The following RAD51B variants were observed in gnomAD, a reference collection of about 807,000 sequenced individuals.
RAD51B encodes RAD51 paralog B.
A neutral mutation model predicts 42.2 loss-of-function variants in RAD51B; 38 were observed. The observed-to-expected ratio is 0.90, with a 90% CI of 0.70 to 1.18. The LOEUF (loss-of-function observed/expected upper bound fraction) is 1.18, where lower values mean the gene tolerates loss of function less well. RAD51B is among the 50% of genes most tolerant of loss of function. The probability of loss-of-function intolerance (pLI) is 0.00; values close to 1 mark genes in which losing one functional copy is unlikely to be tolerated. For synonymous variants in RAD51B, 154 were observed against 145.2 expected, an observed-to-expected ratio of 1.06 and a Z score of -0.43; for missense variants, 373 against 400.7, an observed-to-expected ratio of 0.93 and a Z score of 0.59.
At chr14:67,914,880 T>C (rs572502372) in intron 7 of RAD51B, among the ~76,000 whole-genome samples, 1 of 152,232 alleles carries the variant, frequency 6.6e-6, no homozygotes, top group Non-Finnish European at 1.5e-5. Context: ...TTGTTTCAGC[T>C]GTCATATTGT....
At chr14:67,877,764 GGGATCCCCTT>G (rs2042773564) in intron 5 of RAD51B, among the ~76,000 whole-genome samples, 1 of 152,140 alleles carries the variant, frequency 6.6e-6, no homozygotes, top group African/African-American at 2.4e-5. Context: ...CTGGGTACAA[GGGATCCCCTT>G]GCTTTAGCCT....
At chr14:68,613,662 G>A (rs893308333), downstream of RAD51B, among the ~76,000 whole-genome samples, 7 of 151,890 alleles carry the variant, frequency 4.6e-5, no homozygotes, top group Non-Finnish European at 1.0e-4. Context: ...CACCGTGTTA[G>A]CCAGGATGGT....
At chr14:68,608,164 C>T (rs1338733859) in intron 10 of RAD51B, among the ~76,000 whole-genome samples, 2 of 152,220 alleles carry the variant, frequency 1.3e-5, no homozygotes, top group Non-Finnish European at 2.9e-5. Context: ...AGCTTCCCTG[C>T]CCTTCTCTTA....
At chr14:68,087,499 T>G (rs1405555936) in intron 7 of RAD51B, among the ~76,000 whole-genome samples, 3 of 152,126 alleles carry the variant, frequency 2.0e-5, no homozygotes, top group Non-Finnish European at 4.4e-5. Flanking sequence ...TATAGTATTA[T>G]GCTTAGAAAA....
chr14:68,087,351 C>T (rs34030120), intron 7 of RAD51B, among the ~76,000 whole-genome samples: 2,429 of 152,170 alleles, frequency 0.016, 57 homozygotes, highest in African/African-American at 0.054. Flanking sequence ...TGTTCTGAGA[C>T]CCTCTGGAGA....
chr14:68,504,346 T>C (rs1359713742), intron 10 of RAD51B, among the ~76,000 whole-genome samples: 1 of 152,232 alleles, frequency 6.6e-6, no homozygotes, highest in Non-Finnish European at 1.5e-5. Context: ...CTGCACACCA[T>C]ATAAATCCCC....
intron 11 of RAD51B, among the ~76,000 whole-genome samples, chr14:68,673,899 C>T (rs865808208): frequency 1.4e-4 from 21 of 150,784 alleles, no homozygotes; most frequent in African/African-American, 4.9e-4. Flanking sequence ...TACATGCACA[C>T]ACATACTGTA....
chr14:67,905,265 T>C (rs1383938170), intron 7 of RAD51B, among the ~76,000 whole-genome samples: 1 of 152,094 alleles, frequency 6.6e-6, no homozygotes, highest in African/African-American at 2.4e-5. Flanking sequence ...TTCTAACCTG[T>C]TCTGTTGTTC....
At chr14:68,402,811 G>A (rs2084149899) in intron 8 of RAD51B, among the ~76,000 whole-genome samples, 1 of 152,150 alleles carries the variant, frequency 6.6e-6, no homozygotes, top group African/African-American at 2.4e-5. Flanking sequence ...TTTTTAATAA[G>A]GCAGGAACTA....
At chr14:68,045,980 C>T (rs957299297) in intron 7 of RAD51B, among the ~76,000 whole-genome samples, 3 of 152,094 alleles carry the variant, frequency 2.0e-5, no homozygotes, top group Non-Finnish European at 4.4e-5. Context: ...GCAACAGCAA[C>T]AGCAGCAGCA....
chr14:68,048,055 A>G (rs141289450), intron 7 of RAD51B, among the ~76,000 whole-genome samples: 2 of 152,346 alleles, frequency 1.3e-5, no homozygotes, highest in Non-Finnish European at 2.9e-5. Context: ...TTCAACGTCT[A>G]AATGAAATAC....
intron 10 of RAD51B, among the ~76,000 whole-genome samples, chr14:68,586,090 C>T (rs1890456731): frequency 6.6e-6 from 1 of 151,962 alleles, no homozygotes; most frequent in Non-Finnish European, 1.5e-5. Context: ...ACCTCCTAGC[C>T]TATGGAAGAG....
chr14:68,151,544 A>G (rs1003480423), intron 7 of RAD51B, among the ~76,000 whole-genome samples: 2 of 152,124 alleles, frequency 1.3e-5, no homozygotes, highest in Non-Finnish European at 2.9e-5. Flanking sequence ...CTACACATAT[A>G]TAAAGCTAAC....
intron 9 of RAD51B, among the ~76,000 whole-genome samples, chr14:68,439,162 A>G (rs2085219741): frequency 2.0e-5 from 1 of 49,812 alleles, no homozygotes; most frequent in Admixed American, 2.1e-4. Context: ...GTACACACAC[A>G]CACACACACA....
chr14:68,324,195 CTT>C (rs1355780033), intron 8 of RAD51B, among the ~76,000 whole-genome samples: 1 of 152,162 alleles, frequency 6.6e-6, no homozygotes, highest in African/African-American at 2.4e-5. Flanking sequence ...CAAGTAATCT[CTT>C]GTTTTACATT....
intron 7 of RAD51B, among the ~76,000 whole-genome samples, chr14:68,009,536 C>T (rs554793676): frequency 7.2e-5 from 11 of 151,916 alleles, no homozygotes; most frequent in South Asian, 2.1e-4. Context: ...TTTTGGTTCA[C>T]TCATGTATTT....
intron 11 of RAD51B, among the ~76,000 whole-genome samples, chr14:68,673,642 A>G (rs1893224189): frequency 6.6e-6 from 1 of 152,036 alleles, no homozygotes; most frequent in Non-Finnish European, 1.5e-5. Flanking sequence ...ACACATATGT[A>G]TACATGCACA....
At chr14:68,297,096 T>C (rs1431993843) in intron 8 of RAD51B, among the ~76,000 whole-genome samples, 3 of 152,200 alleles carry the variant, frequency 2.0e-5, no homozygotes, top group Admixed American at 6.5e-5. Flanking sequence ...TGGAGTCCAT[T>C]TGAAAGATTA....
intron 10 of RAD51B, among the ~76,000 whole-genome samples, chr14:68,630,445 C>T (rs1033185517): frequency 2.6e-5 from 4 of 152,108 alleles, no homozygotes; most frequent in African/African-American, 9.7e-5. Flanking sequence ...GACCTCCTTC[C>T]CTGATGAGTA....
Sources: gnomAD v4.1 joint callset for allele counts (sites outside exome capture counted in the v4.1 genomes callset) on GRCh38, gnomAD v4.1.1 for gene constraint, MANE v1.5 for transcripts, NCBI Gene and HGNC (gene_info 2026-07-23, HGNC 2026-07-21) for gene names.